The following GNAI1 variants were observed in gnomAD, a reference collection of about 807,000 sequenced individuals.
GNAI1 encodes G protein subunit alpha i1, also known as guanine nucleotide-binding protein G(i) subunit alpha-1.
GNAI1 carries 11 observed loss-of-function variants against 38.9 expected under a neutral mutation model. That is an observed-to-expected ratio of 0.28 (90% confidence interval 0.18 to 0.47). The LOEUF (loss-of-function observed/expected upper bound fraction) is 0.47. GNAI1 is among the 20% of genes least tolerant of loss of function. GNAI1 has a pLI of 0.99. For missense variants in GNAI1, 317 were observed against 436.9 expected (o/e 0.73, Z 2.45); for synonymous variants, 166 against 145.1 (o/e 1.14, Z -1.04).
chr7:80,148,942 A>G (rs1226502141), intron 1 of GNAI1, among the ~76,000 whole-genome samples: 1 of 152,148 alleles, frequency 6.6e-6, no homozygotes, highest in East Asian at 1.9e-4. Flanking sequence ...ACTAATACTA[A>G]TGTAGTCTCA....
At chr7:80,205,164 A>C (rs1179220243) in intron 5 of GNAI1, among the ~76,000 whole-genome samples, 1 of 152,164 alleles carries the variant, frequency 6.6e-6, no homozygotes, top group East Asian at 1.9e-4. Context: ...TATGAATATA[A>C]TAGAGTCACA....
rs751479869 is a variant in GNAI1, at chr7:80,221,702, G to A, written c.*4209G>A. ...TCCTTCACCAGGCTGGAGTGCAGTC[G>A]TGCAATCTCCACTCTCTGCAACCTC... On this transcript the variant is annotated 3_prime_UTR_variant, in exon 8 of 8. Transcript: ENST00000649796. 3.9e-5 allele frequency among the ~76,000 whole-genome samples: 5 copies of A among 128,948 alleles called. No individual in the cohort carries two copies. The highest frequency in any genetic ancestry group is 2.5e-4 in the South Asian group (1 of 4,026). 84.6% of individuals were successfully genotyped at this position (128,948 alleles called of 152,430 possible).
chr7:80,139,496 C>T (rs1006133206), intron 1 of GNAI1, among the ~76,000 whole-genome samples: 4 of 152,130 alleles, frequency 2.6e-5, no homozygotes, highest in Non-Finnish European at 5.9e-5. Context: ...ATTGTTTATC[C>T]TTCTGCCCAG....
chr7:80,204,982 CTAAA>C (rs1788748949), intron 5 of GNAI1, among the ~76,000 whole-genome samples: 1 of 152,044 alleles, frequency 6.6e-6, no homozygotes, highest in Non-Finnish European at 1.5e-5. Flanking sequence ...TACATTGAAG[CTAAA>C]TAAAGAGGCA....
intron 1 of GNAI1, among the ~76,000 whole-genome samples, chr7:80,160,703 G>T (rs903252216): frequency 6.6e-6 from 1 of 152,106 alleles, no homozygotes; most frequent in Non-Finnish European, 1.5e-5. Context: ...ACTTTGAATT[G>T]TTGATGTAGT....
At chr7:80,157,882 T>A (rs1455130596) in intron 1 of GNAI1, among the ~76,000 whole-genome samples, 1 of 152,042 alleles carries the variant, frequency 6.6e-6, no homozygotes, top group African/African-American at 2.4e-5. Flanking sequence ...AATTTTTTTG[T>A]ATTTTTAGTA....
intron 1 of GNAI1, among the ~76,000 whole-genome samples, chr7:80,141,049 T>G (rs569998592): frequency 6.6e-6 from 1 of 152,300 alleles, no homozygotes; most frequent in African/African-American, 2.4e-5. Context: ...TGTAATTACA[T>G]TGGGCCCACC....
chr7:80,164,869 G>A (rs1028250021), intron 1 of GNAI1, among the ~76,000 whole-genome samples: 2 of 150,996 alleles, frequency 1.3e-5, no homozygotes, highest in Non-Finnish European at 2.9e-5. Flanking sequence ...CAGAGCATTA[G>A]TATACCACTT....
chr7:80,135,382 C>G (rs1179289839), intron 1 of GNAI1, 104 bp downstream of exon 1: 2 of 611,022 alleles, frequency 3.3e-6, no homozygotes, highest in African/African-American at 1.9e-5. Flanking sequence ...AGGAAGCGCC[C>G]GAGGAGGCTT....
At position 80,225,590 on chromosome 7, in the gene GNAI1, C is replaced by T. The variant is rs1789146205; in HGVS notation, c.*8097C>T. On this transcript the variant is annotated 3_prime_UTR_variant, in exon 8 of 8. Coordinates refer to ENST00000649796, the MANE Select transcript of GNAI1 (RefSeq NM_002069.6). ...TCTGAACTTATTTTGGAAAGAGTAG[C>T]TCCCTGGAGTGTGGAGGAGGACAGG... 6.6e-6 allele frequency among the ~76,000 whole-genome samples: 1 copy of T among 152,100 alleles called. No homozygotes were observed. The highest frequency in any genetic ancestry group is 2.4e-5 in the African/African-American group (1 of 41,416).
intron 1 of GNAI1, among the ~76,000 whole-genome samples, chr7:80,153,797 A>T (rs972400879): frequency 7.2e-5 from 11 of 152,160 alleles, no homozygotes; most frequent in African/African-American, 2.7e-4. Flanking sequence ...CTTAATCTTT[A>T]TATCTTCTGT....
intron 1 of GNAI1, among the ~76,000 whole-genome samples, chr7:80,146,832 A>T (rs1787631567): frequency 6.6e-6 from 1 of 152,196 alleles, no homozygotes; most frequent in Non-Finnish European, 1.5e-5. Context: ...TATTTAAAAC[A>T]CTGCCTTGCA....
chr7:80,200,219 C>T (rs544336916), intron 4 of GNAI1, among the ~76,000 whole-genome samples: 6 of 141,944 alleles, frequency 4.2e-5, no homozygotes, highest in African/African-American at 1.0e-4. Flanking sequence ...AGTTACTCAG[C>T]GGGGGCTGAG....
At chr7:80,185,859 TAGG>T (rs1788377909) in intron 1 of GNAI1, among the ~76,000 whole-genome samples, 1 of 152,168 alleles carries the variant, frequency 6.6e-6, no homozygotes, top group African/African-American at 2.4e-5. Context: ...ATTTTCCTCT[TAGG>T]AGACTCTGTA....
At chr7:80,175,821 C>A (rs575222902) in intron 1 of GNAI1, among the ~76,000 whole-genome samples, 1 of 152,272 alleles carries the variant, frequency 6.6e-6, no homozygotes, top group East Asian at 1.9e-4. Flanking sequence ...TGGCTGTTCT[C>A]TCATATCTCT....
chr7:80,157,206 TGTA>T (rs1397905832), intron 1 of GNAI1, among the ~76,000 whole-genome samples: 1 of 152,202 alleles, frequency 6.6e-6, no homozygotes, highest in Non-Finnish European at 1.5e-5. Context: ...GTTGAAATCA[TGTA>T]GTATGTAGCC....
chr7:80,153,771 G>T (rs1472287153), intron 1 of GNAI1, among the ~76,000 whole-genome samples: 2 of 152,080 alleles, frequency 1.3e-5, no homozygotes, highest in Non-Finnish European at 2.9e-5. Flanking sequence ...TTGCACTTTG[G>T]TGATTGCCTA....
In GNAI1 at chr7:80,155,357, T is replaced by C. The variant is rs17153501; in HGVS notation, c.118+20079T>C. Among the ~76,000 whole-genome samples the C allele has an allele frequency of 9.3e-3, 1,414 of 152,298 alleles. 28 individuals carry two copies. The highest frequency in any genetic ancestry group is 0.032 in the African/African-American group (1,334 of 41,562). On this transcript the variant is annotated intron_variant, in intron 1 of 7. Coordinates refer to ENST00000649796, the MANE Select transcript of GNAI1 (RefSeq NM_002069.6). ...TGATACATTATCAACTTCAGTAATA[T>C]CGAATTCTGTATTTCTATCCAATAG...
At chr7:80,199,173 T>C (rs1788635406) in intron 3 of GNAI1, 52 bp from the exon 4 acceptor site, 2 of 1,341,014 alleles carry the variant, frequency 1.5e-6, no homozygotes, top group Non-Finnish European at 2.0e-6. Flanking sequence ...CTTTGTACTT[T>C]TTATCTCTGA....
Sources: allele counts gnomAD v4.1 joint callset (sites outside exome capture counted in the v4.1 genomes callset), GRCh38; gene constraint gnomAD v4.1.1; transcripts MANE v1.5; gene names NCBI Gene and HGNC (gene_info 2026-07-23, HGNC 2026-07-21).